The following AP1G1 variants were observed in gnomAD, a reference collection of about 807,000 sequenced individuals.
AP1G1 encodes AP-1 complex subunit gamma-1.
In AP1G1, 7 loss-of-function variants were observed where a neutral mutation model predicts 108.3. The ratio of observed to expected loss-of-function variants is 0.06; its 90% confidence interval spans 0.04 to 0.12. AP1G1 has a LOEUF of 0.12. AP1G1 is among the 10% of genes least tolerant of loss of function. AP1G1 has a pLI of 1.00. For synonymous variants in AP1G1, 379 were observed against 353.5 expected (o/e 1.07, Z -0.81); for missense variants, 756 against 1,010.7 (o/e 0.75, Z 3.42).
At chr16:71,796,681 C>A (rs976292223) in intron 1 of AP1G1, among the ~76,000 whole-genome samples, 3 of 152,076 alleles carry the variant, frequency 2.0e-5, no homozygotes, top group Non-Finnish European at 4.4e-5. Flanking sequence ...AGATACCACC[C>A]CACCCTGTCT....
chr16:71,783,068 G>A (rs185555425), intron 2 of AP1G1, among the ~76,000 whole-genome samples: 1 of 152,068 alleles, frequency 6.6e-6, no homozygotes, highest in Non-Finnish European at 1.5e-5. Flanking sequence ...AATAGTACTA[G>A]CTTAAGTACT....
At chr16:71,795,866 A>C (rs184613628) in intron 1 of AP1G1, among the ~76,000 whole-genome samples, 16 of 152,316 alleles carry the variant, frequency 1.1e-4, no homozygotes, top group Admixed American at 8.5e-4. Flanking sequence ...AAATGTGTTC[A>C]CAGAAGGGAA....
Position 71,804,560 on chromosome 16 carries a change from A to G in AP1G1, c.-4+4203T>C, listed in dbSNP as rs575835762. 1.3e-4 allele frequency among the ~76,000 whole-genome samples: 20 copies of G among 151,798 alleles called. No homozygotes were observed. In the East Asian group the frequency reaches 3.9e-3, roughly 30 times the overall value. On this transcript the variant is annotated intron_variant, in intron 1 of 22. Coordinates refer to ENST00000299980, the MANE Select transcript of AP1G1 (RefSeq NM_001128.6). ...GTAGCTGGGAATGCAGGTGCACATCACCATGCCCGGCTAACTTTTGTATTT... is the reference window on the plus strand; with the variant it reads ...GTAGCTGGGAATGCAGGTGCACATCGCCATGCCCGGCTAACTTTTGTATTT...
At position 71,732,974 on chromosome 16, in the gene AP1G1, G is replaced by C; in HGVS notation, c.*84C>G. The C allele has an allele frequency of 9.4e-7, 1 of 1,060,794 alleles. No homozygotes were observed. The highest frequency in any genetic ancestry group is 2.0e-5 in the Admixed American group (1 of 49,204). The allele number at this position is 1,060,794 out of a possible 1,614,324, so 65.7% of individuals were successfully genotyped here. ...AGCTCCTCATGCCCGTGGTACAGTTGGGGGGGACTTGCCAGCAATCACAAC... is the reference window on the plus strand; with the variant it reads ...AGCTCCTCATGCCCGTGGTACAGTTCGGGGGGACTTGCCAGCAATCACAAC... On this transcript the variant is annotated 3_prime_UTR_variant, in exon 23 of 23. Transcript: ENST00000299980.
At chr16:71,797,243 A>G (rs2032619174) in intron 1 of AP1G1, among the ~76,000 whole-genome samples, 1 of 152,074 alleles carries the variant, frequency 6.6e-6, no homozygotes, top group Admixed American at 6.6e-5. Flanking sequence ...TAAAGACATG[A>G]CCCAAAGGGT....
chr16:71,734,546 A>T, intron 22 of AP1G1, 63 bp downstream of exon 22: 1 of 1,365,796 alleles, frequency 7.3e-7, no homozygotes, highest in Non-Finnish European at 1.0e-6. Flanking sequence ...ACAAAGCAGA[A>T]TTTTATTTCG....
rs759213417 is a variant in AP1G1 at position 71,739,360 on chromosome 16, T to G, written c.2000-19A>C. ...GGAGCACCTAAAGGAAATATTTTAA[T>G]GGAAAGTTAACCTTAGGCAGCATGA... On this transcript the variant is annotated intron_variant, in intron 19 of 22. Coordinates refer to ENST00000299980, the MANE Select transcript of AP1G1 (RefSeq NM_001128.6). The G allele has an allele frequency of 4.5e-6, 7 of 1,558,894 alleles. No homozygotes were observed. The highest frequency in any genetic ancestry group is 6.0e-6 in the Non-Finnish European group (7 of 1,157,840).
chr16:71,755,998 A>T, intron 12 of AP1G1, 21 bp downstream of exon 12: 1 of 1,602,134 alleles, frequency 6.2e-7, no homozygotes, highest in Non-Finnish European at 8.5e-7. Flanking sequence ...TTTACCAATA[A>T]AGGTAAAAAT....
chr16:71,739,816 T>C lies in AP1G1; in HGVS notation c.2000-475A>G, dbSNP rs1237618427. On this transcript the variant is annotated intron_variant, in intron 19 of 22. Transcript: ENST00000299980. ...AAAATGTTTGCTATACAGTAATGAA[T>C]GGATAAGTATCCAAACGATAACTGT... 3.3e-5 allele frequency among the ~76,000 whole-genome samples: 5 copies of C among 150,480 alleles called. No individual in the cohort carries two copies. The East Asian group carries it at 9.7e-4, about 29-fold the overall frequency.
At chr16:71,807,378 G>A (rs2033031085) in intron 1 of AP1G1, among the ~76,000 whole-genome samples, 1 of 152,228 alleles carries the variant, frequency 6.6e-6, no homozygotes, top group Non-Finnish European at 1.5e-5. Flanking sequence ...GTTGCAGTGA[G>A]CCGAGACCGT....
chr16:71,754,978 C>T (rs1179729494), intron 12 of AP1G1, among the ~76,000 whole-genome samples: 1 of 152,072 alleles, frequency 6.6e-6, no homozygotes, highest in Non-Finnish European at 1.5e-5. Context: ...TGTTTTCAGA[C>T]CAAGACAACA....
intron 1 of AP1G1, 120 bp downstream of exon 1, chr16:71,808,641 TTC>T (rs1262540873): frequency 7.8e-7 from 1 of 1,289,708 alleles, no homozygotes; most frequent in Admixed American, 2.3e-5. Flanking sequence ...CTGTCTTCTC[TTC>T]TCAACACCCA....
intron 13 of AP1G1, among the ~76,000 whole-genome samples, chr16:71,751,512 G>A (rs2145439713): frequency 6.7e-6 from 1 of 150,302 alleles, no homozygotes; most frequent in Middle Eastern, 3.5e-3. Flanking sequence ...GGTTTTATCA[G>A]GTCACTCCTG....
intron 1 of AP1G1, among the ~76,000 whole-genome samples, chr16:71,798,057 C>T (rs879038744): frequency 5.3e-5 from 8 of 151,910 alleles, no homozygotes; most frequent in South Asian, 2.1e-4. Flanking sequence ...AGGAACTATA[C>T]GAAAAAAACT....
intron 2 of AP1G1, among the ~76,000 whole-genome samples, chr16:71,775,816 A>C (rs1483321923): frequency 6.6e-6 from 1 of 152,232 alleles, no homozygotes; most frequent in Non-Finnish European, 1.5e-5. Context: ...TCAGTAGTGG[A>C]ATTAAGCTAA....
At chr16:71,756,930 CA>C (rs551372939) in intron 11 of AP1G1, among the ~76,000 whole-genome samples, 1,372 of 67,892 alleles carry the variant, frequency 0.02, 40 homozygotes, top group East Asian at 0.12. Flanking sequence ...GACTCTGTCT[CA>C]AAAAAAAAAA....
intron 2 of AP1G1, among the ~76,000 whole-genome samples, chr16:71,780,967 G>A (rs2031992570): frequency 6.6e-6 from 1 of 152,064 alleles, no homozygotes; most frequent in Non-Finnish European, 1.5e-5. Context: ...ACATGCATGA[G>A]CCACTGTACC....
At chr16:71,736,320 T>C (rs748096852) in intron 21 of AP1G1, among the ~76,000 whole-genome samples, 2 of 148,916 alleles carry the variant, frequency 1.3e-5, no homozygotes, top group African/African-American at 2.4e-5. Flanking sequence ...AATTTTTAAA[T>C]GTATCCTAAT....
Position 71,756,135 on chromosome 16 carries a change from G to A in AP1G1, c.1113C>T (p.Ala371=), listed in dbSNP as rs930540171. Residue 371 remains alanine (A), a synonymous_variant, in exon 12 of 23, where the codon GCC becomes GCT. Coordinates refer to ENST00000299980, the MANE Select transcript of AP1G1 (RefSeq NM_001128.6). ...CTCGGATATTATTCCCATTTACCAG[G>A]GCAAAACTCAATTCCATTGCACGCC... The part of the protein sequence containing the change: ...IKRRAMELSF[A]LVNGNNIRGM... The A allele has an allele frequency of 6.2e-7, 1 of 1,611,992 alleles. No homozygotes were observed.
Sources: gnomAD v4.1 joint callset for allele counts (sites outside exome capture counted in the v4.1 genomes callset) on GRCh38, gnomAD v4.1.1 for gene constraint, MANE v1.5 for transcripts, NCBI Gene and HGNC (gene_info 2026-07-23, HGNC 2026-07-21) for gene names.